Variants in UBE4A observed in about 807,000 individuals in gnomAD.
UBE4A encodes the protein ubiquitin conjugation factor E4 A.
Under a neutral mutation model 117.9 loss-of-function variants are expected in UBE4A, and 48 were observed. That is an observed-to-expected ratio of 0.41 (90% confidence interval 0.32 to 0.52). UBE4A has a LOEUF of 0.52. UBE4A is among the 20% of genes least tolerant of loss of function. The pLI is 0.33. For synonymous variants in UBE4A, 407 were observed against 450.0 expected, an observed-to-expected ratio of 0.90 and a Z score of 1.21; for missense variants, 1,067 against 1,296.3, an observed-to-expected ratio of 0.82 and a Z score of 2.72.
intron 1 of UBE4A, among the ~76,000 whole-genome samples, chr11:118,363,764 A>G (rs1591292753): frequency 6.6e-6 from 1 of 152,050 alleles, no homozygotes; most frequent in South Asian, 2.1e-4. Flanking sequence ...GATTACAGGC[A>G]CCTGCCGCCA....
chr11:118,372,774 TAAG>T (rs1948619577), intron 6 of UBE4A, 108 bp downstream of exon 6: 7 of 1,495,314 alleles, frequency 4.7e-6, no homozygotes, highest in Non-Finnish European at 6.4e-6. Flanking sequence ...TGGTATAAAT[TAAG>T]GAGGAGGGCT....
intron 5 of UBE4A, 133 bp downstream of exon 5, chr11:118,371,799 C>T: frequency 1.1e-6 from 1 of 949,148 alleles, no homozygotes; most frequent in Non-Finnish European, 1.5e-6. Context: ...ATCAGGGACA[C>T]TAAAGCTTTT....
rs1391910279 is a variant in UBE4A at position 118,384,869 on chromosome 11, T to C, written c.2336T>C (p.Met779Thr). Reference protein sequence around the residue: ...ADYASKNLEAMNPPLFLRFLN... With the variant: ...ADYASKNLEATNPPLFLRFLN... ...TATGCCTCTAAGAATTTAGAAGCCA[T>C]GAATCCCCCACTTTTCCTCCGCTTT... The change falls in exon 15 of 20, where the codon ATG becomes ACG. Residue 779 changes from methionine to threonine, a missense_variant. Met to Thr is a moderately conservative substitution (Grantham distance 81). Coordinates refer to ENST00000252108, the MANE Select transcript of UBE4A (RefSeq NM_001204077.2). 4 of 1,611,780 alleles carry C rather than the reference T, an allele frequency of 2.5e-6. No individual in the cohort carries two copies. The highest frequency in any genetic ancestry group is 1.7e-5 in the Admixed American group (1 of 59,538).
intron 2 of UBE4A, among the ~76,000 whole-genome samples, 200 bp downstream of exon 2, chr11:118,365,401 C>T (rs760039254): frequency 2.4e-4 from 36 of 152,068 alleles, no homozygotes; most frequent in Non-Finnish European, 4.6e-4. Flanking sequence ...CCCTCCCCTC[C>T]GCTGTCCTCT....
chr11:118,384,829 C>T lies in UBE4A; in HGVS notation c.2299-3C>T. 1 of 1,613,126 alleles carries T rather than the reference C, an allele frequency of 6.2e-7. No individual in the cohort carries two copies. The highest frequency in any genetic ancestry group is 8.5e-7 in the Non-Finnish European group (1 of 1,179,644). ...TGGTTTTCTTGTGGGCTGGGACTTA[C>T]AGGATTTGGCTGACTATGCCTCTAA... On this transcript the variant is annotated splice_region_variant and splice_polypyrimidine_tract_variant and intron_variant, in intron 14 of 19. Coordinates refer to ENST00000252108, the MANE Select transcript of UBE4A (RefSeq NM_001204077.2).
chr11:118,370,236 T>G (rs1218929492), intron 4 of UBE4A, among the ~76,000 whole-genome samples: 1 of 152,250 alleles, frequency 6.6e-6, no homozygotes. Context: ...TGTACCTGTC[T>G]TATCTCCCCT....
In UBE4A at chr11:118,379,697, T is replaced by TAG; in HGVS notation, c.1826_1827dup (p.Leu610SerfsTer2). 2 of 1,614,148 alleles carry TAG rather than the reference T, an allele frequency of 1.2e-6. No individual in the cohort carries two copies. Among genetic ancestry groups the TAG allele is most frequent in the Non-Finnish European group, 1.7e-6 (2 of 1,179,980 alleles). On this transcript the variant is annotated frameshift_variant, in exon 11 of 20. Coordinates refer to ENST00000252108, the MANE Select transcript of UBE4A (RefSeq NM_001204077.2). LOFTEE classifies it high-confidence loss of function. ...ATAGGCAATGAGGGCTCACAGCCAA[T>TAG]AGAGCTAACCTTTCCTTTGCCAGAT...
At chr11:118,384,095 T>G (rs2134103854) in intron 13 of UBE4A, among the ~76,000 whole-genome samples, 1 of 152,346 alleles carries the variant, frequency 6.6e-6, no homozygotes, top group Non-Finnish European at 1.5e-5. Context: ...CTCCAAATCC[T>G]ACACTCTTCC....
At chr11:118,395,991 C>G (rs1459322031) in intron 19 of UBE4A, among the ~76,000 whole-genome samples, 2 of 151,950 alleles carry the variant, frequency 1.3e-5, no homozygotes, top group East Asian at 3.9e-4. Flanking sequence ...CAGAGAATAG[C>G]TTTCACCCAG....
intron 1 of UBE4A, among the ~76,000 whole-genome samples, 178 bp from the exon 2 acceptor site, chr11:118,364,862 T>C (rs919596692): frequency 1.3e-5 from 2 of 150,246 alleles, no homozygotes; most frequent in African/African-American, 2.4e-5. Flanking sequence ...GTCCAGCTGG[T>C]AGGTTTGTAA....
intron 19 of UBE4A, among the ~76,000 whole-genome samples, chr11:118,395,336 A>C (rs372321425): frequency 2.0e-5 from 3 of 152,126 alleles, no homozygotes; most frequent in Non-Finnish European, 1.5e-5. Context: ...TCTCAGAAAA[A>C]AAAAAAAAAA....
At chr11:118,360,526 T>C (rs961950822) in intron 1 of UBE4A, among the ~76,000 whole-genome samples, 2 of 152,232 alleles carry the variant, frequency 1.3e-5, no homozygotes, top group African/African-American at 2.4e-5. Flanking sequence ...TAAATTGATA[T>C]TTTAATTTCT....
In UBE4A at chr11:118,398,515, A is replaced by G. The variant is rs1319554963; in HGVS notation, c.*2075A>G. ...TTTTCTTTCTGTGAAGTAATTTAAGAATATCCAAAAAAATTAGACTTTAAA... is the reference window on the plus strand; with the variant it reads ...TTTTCTTTCTGTGAAGTAATTTAAGGATATCCAAAAAAATTAGACTTTAAA... On this transcript the variant is annotated 3_prime_UTR_variant, in exon 20 of 20. Transcript: ENST00000252108. The G allele has an allele frequency of 6.6e-6, 1 of 152,666 alleles. No individual in the cohort carries two copies. Among genetic ancestry groups the G allele is most frequent in the Admixed American group, 6.5e-5 (1 of 15,278 alleles). The allele number at this position is 152,666 out of a possible 1,614,324, so 9.5% of individuals were successfully genotyped here. A position where few individuals can be genotyped will look rare whatever the true frequency, so the allele number is the denominator to read the frequency against.
At chr11:118,371,278 A>G (rs559941886) in intron 4 of UBE4A, among the ~76,000 whole-genome samples, 21 of 152,100 alleles carry the variant, frequency 1.4e-4, no homozygotes, top group Admixed American at 1.0e-3. Flanking sequence ...TTTAATGCCT[A>G]CTCTATGCTG....
At position 118,392,900 on chromosome 11, in the gene UBE4A, G is replaced by A. The variant is rs1948832720; in HGVS notation, c.3074+5G>A. 1 of 1,612,252 alleles carries A rather than the reference G, an allele frequency of 6.2e-7. No homozygotes were observed. The highest frequency in any genetic ancestry group is 1.3e-5 in the African/African-American group (1 of 74,756). ...CATTGCAAGACATTTGCTCAGGTAG[G>A]CCAGTCCCAAAAACAGACTCAAGAG... On this transcript the variant is annotated splice_donor_5th_base_variant and intron_variant, in intron 19 of 19. Transcript: ENST00000252108.
intron 1 of UBE4A, among the ~76,000 whole-genome samples, chr11:118,362,272 GCCA>G (rs543373521): frequency 6.0e-4 from 91 of 152,212 alleles, no homozygotes; most frequent in African/African-American, 2.1e-3. Flanking sequence ...CCAGGTGCAC[GCCA>G]CCATGCCTGG....
rs1948806610 is a variant in UBE4A, at chr11:118,390,644, G to A, written c.2769-13G>A. The A allele has an allele frequency of 2.0e-6, 3 of 1,489,458 alleles. No homozygotes were observed. Among genetic ancestry groups the A allele is most frequent in the Non-Finnish European group, 2.7e-6 (3 of 1,123,696 alleles). The allele number at this position is 1,489,458 out of a possible 1,614,324, so 92.3% of individuals were successfully genotyped here. ...CTCTGGTGATCAGTTTTTTTCTGAT[G>A]CTAATGTTCCAGGGATGAGGAGAAT... is the stretch of plus-strand genomic sequence containing the variant. On this transcript the variant is annotated splice_polypyrimidine_tract_variant and intron_variant, in intron 17 of 19. Transcript: ENST00000252108.
chr11:118,369,822 A>G (rs187501111), intron 4 of UBE4A, among the ~76,000 whole-genome samples: 10 of 152,228 alleles, frequency 6.6e-5, no homozygotes, highest in South Asian at 2.1e-4. Flanking sequence ...GGCCAGGCAC[A>G]TTGACTCACG....
intron 1 of UBE4A, among the ~76,000 whole-genome samples, chr11:118,362,692 G>A (rs181994576): frequency 6.6e-6 from 1 of 152,288 alleles, no homozygotes; most frequent in African/African-American, 2.4e-5. Context: ...TTTCTAAATG[G>A]TGTAAAGATG....
Sources: allele counts gnomAD v4.1 joint callset (sites outside exome capture counted in the v4.1 genomes callset), GRCh38; gene constraint gnomAD v4.1.1; transcripts MANE v1.5; gene names NCBI Gene and HGNC (gene_info 2026-07-23, HGNC 2026-07-21).